Variants in ALPK2 observed in about 807,000 individuals in gnomAD.
ALPK2 encodes alpha kinase 2, also known as alpha-protein kinase 2.
A neutral mutation model predicts 163.1 loss-of-function variants in ALPK2; 127 were observed. That is an observed-to-expected ratio of 0.78 (90% CI 0.67 to 0.90). ALPK2 has a LOEUF of 0.90. Among genes scored for constraint, ALPK2 ranks in the 40% least tolerant of loss-of-function variants. The pLI, the probability that ALPK2 is intolerant of heterozygous loss-of-function variation, is 0.00. For synonymous variants in ALPK2, 953 were observed against 959.1 expected (o/e 0.99, Z 0.12); for missense variants, 2,360 against 2,589.6 (o/e 0.91, Z 1.92).
At chr18:58,565,686 A>C (rs562849533) in intron 4 of ALPK2, among the ~76,000 whole-genome samples, 4 of 152,116 alleles carry the variant, frequency 2.6e-5, no homozygotes, top group African/African-American at 4.8e-5. Context: ...TCTATAGAAA[A>C]ATTTTAATTT....
At chr18:58,621,797 T>C (rs756588524) in intron 1 of ALPK2, among the ~76,000 whole-genome samples, 1 of 152,188 alleles carries the variant, frequency 6.6e-6, no homozygotes, top group African/African-American at 2.4e-5. Context: ...TCTTACCTAA[T>C]AAACAAGTAA....
At chr18:58,483,471 G>A (rs113441768) in intron 12 of ALPK2, among the ~76,000 whole-genome samples, 1,883 of 152,202 alleles carry the variant, frequency 0.012, 28 homozygotes, top group African/African-American at 0.04. Context: ...GTTTCTGCCT[G>A]CAGTATTCCC....
At chr18:58,586,861 A>G (rs2051989467) in intron 3 of ALPK2, among the ~76,000 whole-genome samples, 1 of 152,052 alleles carries the variant, frequency 6.6e-6, no homozygotes, top group African/African-American at 2.4e-5. Flanking sequence ...TAAAAGGGAA[A>G]GCTGGGAATG....
At chr18:58,557,661 T>C (rs1294097744) in intron 4 of ALPK2, among the ~76,000 whole-genome samples, 3 of 107,132 alleles carry the variant, frequency 2.8e-5, no homozygotes, top group Non-Finnish European at 3.8e-5. Context: ...TATATACACA[T>C]ATATATACGT....
intron 6 of ALPK2, 100 bp from the exon 7 acceptor site, chr18:58,524,162 C>A: frequency 6.8e-7 from 1 of 1,474,918 alleles, no homozygotes; most frequent in Non-Finnish European, 9.1e-7. Flanking sequence ...TCCCTGCTCA[C>A]ATGTTTTCAG....
chr18:58,553,599 C>T (rs1376112113), intron 4 of ALPK2, among the ~76,000 whole-genome samples: 3 of 152,236 alleles, frequency 2.0e-5, no homozygotes, highest in Middle Eastern at 3.4e-3. Context: ...ACAATGGGGG[C>T]GGTTTCTCCC....
In ALPK2 at chr18:58,524,015, G is replaced by A. The variant is rs56146550; in HGVS notation, c.5549C>T (p.Pro1850Leu). The A allele has an allele frequency of 2.5e-3, 4,090 of 1,614,090 alleles. 4 individuals carry two copies. The highest frequency in any genetic ancestry group is 3.0e-3 in the Non-Finnish European group (3,486 of 1,179,986). ...GCAGTAATAGAGTCCCTGGTCCTTC[G>A]GACTGGCTTGCACGATGGCAAAGGA... ...TVSFAIVQAS[P>L]KDQGLYYCCI... The change falls in exon 7 of 13, where the codon CCG becomes CTG. Residue 1850 changes from proline (P) to leucine (L), a missense_variant. By Grantham distance (98) the Pro-to-Leu change is moderately conservative. Coordinates refer to ENST00000361673, the MANE Select transcript of ALPK2 (RefSeq NM_052947.4).
At chr18:58,506,981 A>G (rs1385183030) in intron 10 of ALPK2, among the ~76,000 whole-genome samples, 2 of 152,210 alleles carry the variant, frequency 1.3e-5, no homozygotes, top group African/African-American at 4.8e-5. Flanking sequence ...ATTTGTAAAT[A>G]GCCAGAGAAG....
In ALPK2 at chr18:58,555,400, G is replaced by A. The variant is rs2051785037; in HGVS notation, c.1963-17176C>T. Among the ~76,000 whole-genome samples, 3 of 152,098 alleles carry A rather than the reference G, an allele frequency of 2.0e-5. No individual in the cohort carries two copies. In the South Asian group the frequency reaches 6.2e-4, roughly 32 times the overall value. ...AATGGCTAAGTCTAATCATTTCTTG[G>A]TTATTATCCTGATTTTCTCTTCTTT... On this transcript the variant is annotated intron_variant, in intron 4 of 12. Transcript: ENST00000361673.
At chr18:58,504,722 G>C (rs7234964) in intron 10 of ALPK2, among the ~76,000 whole-genome samples, 1 of 151,932 alleles carries the variant, frequency 6.6e-6, no homozygotes, top group Non-Finnish European at 1.5e-5. Flanking sequence ...GGTGCTAAGC[G>C]CTAGGTGGGA....
At chr18:58,562,234 C>G (rs754738011) in intron 4 of ALPK2, among the ~76,000 whole-genome samples, 13 of 152,174 alleles carry the variant, frequency 8.5e-5, no homozygotes, top group Non-Finnish European at 1.8e-4. Flanking sequence ...ATTCAATAAA[C>G]AGTTATGATT....
chr18:58,620,356 A>G (rs529881276), intron 1 of ALPK2, among the ~76,000 whole-genome samples: 2 of 152,370 alleles, frequency 1.3e-5, no homozygotes, highest in East Asian at 3.9e-4. Flanking sequence ...CCTCAAAAAC[A>G]TTCTCAGTAT....
rs774290524 is a variant in ALPK2 at position 58,607,433 on chromosome 18, G to A, written c.116C>T (p.Pro39Leu). Reference protein sequence around the residue: ...AVLRCIISGQPKPEVTWYKNG... With the variant: ...AVLRCIISGQLKPEVTWYKNG... ...CTTATACCAAGTTACCTCTGGCTTG[G>A]GCTGACCTGACAATAAAGAAAGAAA... The change falls in exon 3 of 13, where the codon CCC becomes CTC. Residue 39 changes from proline (P) to leucine (L), a missense_variant. Physicochemically the swap from Pro to Leu is moderately conservative, Grantham distance 98. Coordinates refer to ENST00000361673, the MANE Select transcript of ALPK2 (RefSeq NM_052947.4). The A allele has an allele frequency of 1.2e-6, 2 of 1,600,870 alleles. No individual in the cohort carries two copies. The highest frequency in any genetic ancestry group is 1.7e-6 in the Non-Finnish European group (2 of 1,175,116).
chr18:58,599,038 AACCTGTC>A (rs1246260154), intron 3 of ALPK2, among the ~76,000 whole-genome samples: 1 of 152,150 alleles, frequency 6.6e-6, no homozygotes, highest in African/African-American at 2.4e-5. Flanking sequence ...CTCTTGGATC[AACCTGTC>A]ACCTGTCACC....
chr18:58,554,112 G>A lies in ALPK2; in HGVS notation c.1963-15888C>T, dbSNP rs545524698. ...CTGACCTCAAGTGATCCGCTGCCTC[G>A]GCCTCCCAAAATGCTGGGATTACAG... On this transcript the variant is annotated intron_variant, in intron 4 of 12. Transcript: ENST00000361673. Among the ~76,000 whole-genome samples, 20 of 152,052 alleles carry A rather than the reference G, an allele frequency of 1.3e-4. 1 individual carries two copies. In the South Asian group the frequency reaches 3.3e-3, roughly 25 times the overall value.
intron 2 of ALPK2, 136 bp from the exon 3 acceptor site, chr18:58,607,575 T>G: frequency 1.7e-6 from 1 of 588,088 alleles, no homozygotes; most frequent in Non-Finnish European, 3.0e-6. Flanking sequence ...GGTGAGGAAT[T>G]GAAAAGCCTT....
intron 12 of ALPK2, among the ~76,000 whole-genome samples, chr18:58,493,587 C>T (rs548494339): frequency 3.3e-5 from 5 of 152,240 alleles, no homozygotes; most frequent in South Asian, 2.1e-4. Context: ...TTGATCTTTT[C>T]TCCTGTTCAT....
chr18:58,581,752 G>A (rs1224103788), intron 3 of ALPK2, among the ~76,000 whole-genome samples: 1 of 152,198 alleles, frequency 6.6e-6, no homozygotes, highest in Non-Finnish European at 1.5e-5. Context: ...GTATCAGCCA[G>A]CCCAGAAGTC....
rs201551297 is a variant in ALPK2, at chr18:58,611,766, G to A, written c.32C>T (p.Pro11Leu). 129 of 1,609,836 alleles carry A rather than the reference G, an allele frequency of 8.0e-5. No individual in the cohort carries two copies. The highest frequency in any genetic ancestry group is 4.6e-4 in the African/African-American group (34 of 74,636). The part of the protein sequence containing the change: MKDSEGPQRP[P>L]LCFLSTLLSQ... ...AAGCAATGTAGATAAAAAACACAGC[G>A]GGGGCCTCTGGGGCCCTTCGGAGTC... The change falls in exon 2 of 13, where the codon CCG (proline) becomes CTG (leucine). Residue 11 changes from proline to leucine, a missense_variant. By Grantham distance (98) the Pro-to-Leu change is moderately conservative. Coordinates refer to ENST00000361673, the MANE Select transcript of ALPK2 (RefSeq NM_052947.4).
Sources: allele counts gnomAD v4.1 joint callset (sites outside exome capture counted in the v4.1 genomes callset), GRCh38; gene constraint gnomAD v4.1.1; transcripts MANE v1.5; gene names NCBI Gene and HGNC (gene_info 2026-07-23, HGNC 2026-07-21).